Variants in PDS5B observed in about 807,000 individuals in gnomAD.
The protein encoded by PDS5B is sister chromatid cohesion protein PDS5 homolog B.
Under a neutral mutation model 184.1 loss-of-function variants are expected in PDS5B, and 51 were observed. The ratio of observed to expected loss-of-function variants is 0.28; its 90% CI spans 0.22 to 0.35. The LOEUF is 0.35. Ranked by LOEUF, PDS5B falls within the 10% of genes least tolerant of loss-of-function variation. The pLI is 1.00. For missense variants in PDS5B, 1,180 were observed against 1,723.3 expected (o/e 0.68, Z 5.58); for synonymous variants, 566 against 569.2 (o/e 0.99, Z 0.08).
At chr13:32,658,730 C>T (rs192164717) in intron 5 of PDS5B, among the ~76,000 whole-genome samples, 199 bp downstream of exon 5, 5 of 152,186 alleles carry the variant, frequency 3.3e-5, no homozygotes, top group East Asian at 3.9e-4. Flanking sequence ...AGAGGAGTGG[C>T]ATAAGGCCAG....
At chr13:32,738,816 C>T (rs1270107476) in intron 21 of PDS5B, among the ~76,000 whole-genome samples, 1 of 151,950 alleles carries the variant, frequency 6.6e-6, no homozygotes, top group Non-Finnish European at 1.5e-5. Context: ...GGACTACAGG[C>T]GCCCACCACC....
At chr13:32,694,404 A>G (rs537858443) in intron 14 of PDS5B, 100 bp downstream of exon 14, 79 of 779,654 alleles carry the variant, frequency 1.0e-4, no homozygotes, top group African/African-American at 6.6e-4. Context: ...TCTGTTTGCA[A>G]AAGTTCTGAT....
chr13:32,647,560 C>T (rs1950258799), intron 1 of PDS5B, among the ~76,000 whole-genome samples: 1 of 152,100 alleles, frequency 6.6e-6, no homozygotes, highest in South Asian at 2.1e-4. Context: ...GGATTACAGG[C>T]GTGAGCAATC....
At chr13:32,613,915 A>T (rs1203011595) in intron 1 of PDS5B, among the ~76,000 whole-genome samples, 1 of 152,170 alleles carries the variant, frequency 6.6e-6, no homozygotes, top group Non-Finnish European at 1.5e-5. Flanking sequence ...ATTTTTGTAT[A>T]TGGTATGAAG....
chr13:32,768,811 A>G (rs1037752572), intron 31 of PDS5B, among the ~76,000 whole-genome samples: 3 of 106,328 alleles, frequency 2.8e-5, no homozygotes, highest in African/African-American at 1.0e-4. Flanking sequence ...AAAAAAGAAA[A>G]AAAAAAAAAG....
chr13:32,727,544 CT>C (rs1952952712), intron 19 of PDS5B, among the ~76,000 whole-genome samples: 1 of 151,736 alleles, frequency 6.6e-6, no homozygotes, highest in African/African-American at 2.4e-5. Context: ...TTATTTTTCC[CT>C]CATTTTTAAA....
chr13:32,742,560 T>C lies in PDS5B; in HGVS notation c.2476-31T>C, dbSNP rs1465432087. 4 of 1,570,068 alleles carry C rather than the reference T, an allele frequency of 2.5e-6. No homozygotes were observed. The African/African-American group carries it at 4.1e-5, about 16-fold the overall frequency. On this transcript the variant is annotated intron_variant, in intron 22 of 34. Coordinates refer to ENST00000315596, the MANE Select transcript of PDS5B (RefSeq NM_015032.4). ...CAGAAATTCTTTCAAAATGTACCAG[T>C]GTTTTATTTGTCGACTTGTCTCTTA...
rs1228814649 is a variant in PDS5B at position 32,655,374 on chromosome 13, ATTTTTTTT to A, written c.313-2849_313-2842del. 9.5e-4 allele frequency among the ~76,000 whole-genome samples: 69 copies of A among 72,474 alleles called. 2 individuals are homozygous for A. Among genetic ancestry groups the A allele is most frequent in the African/African-American group, 5.5e-3 (66 of 12,100 alleles). 47.5% of individuals were successfully genotyped at this position (72,474 alleles called of 152,430 possible). A position where few individuals can be genotyped will look rare whatever the true frequency, so the allele number is the denominator to read the frequency against. On this transcript the variant is annotated intron_variant, in intron 3 of 34. Transcript: ENST00000315596. ...TGTTCTTTGCCATATATATATATAT[ATTTTTTTT>A]TTTTTTTTTTTTTTTAGATGGAGTT...
Position 32,610,759 on chromosome 13 carries a change from C to T in PDS5B, c.-20+24166C>T, listed in dbSNP as rs1010448204. 4.6e-5 allele frequency among the ~76,000 whole-genome samples: 7 copies of T among 152,126 alleles called. No individual in the cohort carries two copies. The South Asian group carries it at 1.5e-3, about 32-fold the overall frequency. On this transcript the variant is annotated intron_variant, in intron 1 of 34. Transcript: ENST00000315596. ...GTTCATCCTTGAGTGAATGATTTAA[C>T]CTCTTTATGCCTCACTCTCTAGGAA...
At chr13:32,619,744 G>C (rs1311836129) in intron 1 of PDS5B, among the ~76,000 whole-genome samples, 1 of 152,090 alleles carries the variant, frequency 6.6e-6, no homozygotes, top group East Asian at 1.9e-4. Flanking sequence ...GAAACATTAC[G>C]TGGCCCCCAA....
intron 20 of PDS5B, 68 bp downstream of exon 20, chr13:32,732,292 A>T: frequency 8.8e-7 from 1 of 1,130,800 alleles, no homozygotes; most frequent in Non-Finnish European, 1.3e-6. Context: ...TGATGATTTT[A>T]TGGAATGTTC....
chr13:32,649,183 A>G (rs1309719945), intron 2 of PDS5B: 3 of 216,206 alleles, frequency 1.4e-5, no homozygotes, highest in Admixed American at 5.9e-5. Flanking sequence ...CCTTTCTTCT[A>G]TATAGTTTCT....
At chr13:32,652,757 TAAA>T (rs202075341) in intron 3 of PDS5B, among the ~76,000 whole-genome samples, 80 of 141,112 alleles carry the variant, frequency 5.7e-4, no homozygotes, top group Non-Finnish European at 5.5e-4. Context: ...CCATCTCTAT[TAAA>T]AAAAAAAAAA....
intron 1 of PDS5B, among the ~76,000 whole-genome samples, chr13:32,604,543 T>C (rs183929477): frequency 1.3e-5 from 2 of 152,328 alleles, no homozygotes; most frequent in Non-Finnish European, 2.9e-5. Context: ...TCTTTTTTTG[T>C]TGTGTCTCTG....
At chr13:32,658,754 TG>T (rs1002938903) in intron 5 of PDS5B, among the ~76,000 whole-genome samples, 1 of 152,186 alleles carries the variant, frequency 6.6e-6, no homozygotes, top group Non-Finnish European at 1.5e-5. Flanking sequence ...AAAATTTTTT[TG>T]GATTGCATTA....
At chr13:32,711,737 A>T (rs186319582) in intron 19 of PDS5B, among the ~76,000 whole-genome samples, 19 of 152,278 alleles carry the variant, frequency 1.2e-4, no homozygotes, top group Admixed American at 9.1e-4. Flanking sequence ...CAGATCAGAG[A>T]TGAGAGTTTG....
chr13:32,620,253 T>G (rs574621790), intron 1 of PDS5B, among the ~76,000 whole-genome samples: 6 of 152,248 alleles, frequency 3.9e-5, no homozygotes, highest in Non-Finnish European at 7.3e-5. Flanking sequence ...AGTTTCTGTA[T>G]AGACAGTACT....
chr13:32,621,985 A>T (rs1276993523), intron 1 of PDS5B, among the ~76,000 whole-genome samples: 1 of 152,140 alleles, frequency 6.6e-6, no homozygotes, highest in Non-Finnish European at 1.5e-5. Flanking sequence ...CTCTGTATTT[A>T]ACATCTCATT....
intron 18 of PDS5B, among the ~76,000 whole-genome samples, chr13:32,708,438 G>A (rs1030911558): frequency 3.3e-5 from 5 of 152,146 alleles, no homozygotes; most frequent in Non-Finnish European, 5.9e-5. Flanking sequence ...ATGTTTCTAT[G>A]TAAGATCTCT....
Sources: allele counts gnomAD v4.1 joint callset (sites outside exome capture counted in the v4.1 genomes callset), GRCh38; gene constraint gnomAD v4.1.1; transcripts MANE v1.5; gene names NCBI Gene and HGNC (gene_info 2026-07-23, HGNC 2026-07-21).